NELL1: variants seen among roughly 807,000 people sequenced by gnomAD.
NELL1 encodes neural EGFL like 1.
In NELL1, 76 loss-of-function variants were observed where a neutral mutation model predicts 107.4. The ratio of observed to expected loss-of-function variants is 0.71; its 90% CI spans 0.59 to 0.86. The LOEUF (loss-of-function observed/expected upper bound fraction) is 0.86, where lower values mean the gene tolerates loss of function less well. NELL1 is among the 40% of genes least tolerant of loss of function. The pLI, the probability that NELL1 is intolerant of heterozygous loss-of-function variation, is 0.00. For missense variants in NELL1, 1,024 were observed against 1,005.5 expected, an observed-to-expected ratio of 1.02 and a Z score of -0.25; for synonymous variants, 353 against 341.2, an observed-to-expected ratio of 1.03 and a Z score of -0.38.
intron 13 of NELL1, among the ~76,000 whole-genome samples, chr11:21,131,433 A>G (rs1855614647): frequency 6.6e-6 from 1 of 152,192 alleles, no homozygotes; most frequent in Non-Finnish European, 1.5e-5. Flanking sequence ...AGACTAACAT[A>G]CTACATAGCC....
intron 13 of NELL1, among the ~76,000 whole-genome samples, chr11:21,187,194 A>G (rs769130405): frequency 6.6e-6 from 1 of 151,884 alleles, no homozygotes; most frequent in Non-Finnish European, 1.5e-5. Flanking sequence ...GGGTTAGTCA[A>G]GGGAAGACTT....
At chr11:20,960,230 G>A (rs1322703743) in intron 11 of NELL1, among the ~76,000 whole-genome samples, 1 of 152,152 alleles carries the variant, frequency 6.6e-6, no homozygotes, top group Non-Finnish European at 1.5e-5. Flanking sequence ...TTGAGTATGG[G>A]TGGGGGAAAG....
At chr11:20,746,953 A>G (rs1564891003) in intron 2 of NELL1, among the ~76,000 whole-genome samples, 1 of 152,030 alleles carries the variant, frequency 6.6e-6, no homozygotes, top group Admixed American at 6.6e-5. Flanking sequence ...AAACCCTTTC[A>G]TTTTCTTTGC....
intron 12 of NELL1, among the ~76,000 whole-genome samples, chr11:21,045,397 A>G (rs1482041260): frequency 1.3e-5 from 2 of 152,124 alleles, no homozygotes; most frequent in African/African-American, 4.8e-5. Flanking sequence ...TCATAGTAGT[A>G]TTTTGAGTGT....
intron 16 of NELL1, among the ~76,000 whole-genome samples, chr11:21,537,613 CAT>C (rs1856170165): frequency 6.7e-6 from 1 of 149,414 alleles, no homozygotes. Context: ...TTCACATGCA[CAT>C]GTGTGTAATA....
chr11:20,869,589 G>A (rs898056190), intron 4 of NELL1, among the ~76,000 whole-genome samples: 1 of 152,210 alleles, frequency 6.6e-6, no homozygotes, highest in Admixed American at 6.5e-5. Flanking sequence ...TAGGTGAAAT[G>A]AGAACTATTC....
At chr11:21,475,332 G>A (rs1258147741) in intron 15 of NELL1, among the ~76,000 whole-genome samples, 1 of 152,118 alleles carries the variant, frequency 6.6e-6, no homozygotes, top group Admixed American at 6.6e-5. Context: ...TGTGCCACAT[G>A]TCCCCAGCCT....
intron 15 of NELL1, among the ~76,000 whole-genome samples, chr11:21,488,345 A>G (rs1854698573): frequency 6.6e-6 from 1 of 151,762 alleles, no homozygotes; most frequent in Admixed American, 6.6e-5. Flanking sequence ...ACTTGCTTTC[A>G]TAGGAGAAGG....
chr11:21,439,724 A>C (rs916533625), intron 15 of NELL1, among the ~76,000 whole-genome samples: 7 of 152,112 alleles, frequency 4.6e-5, no homozygotes, highest in Admixed American at 3.9e-4. Context: ...TTAGGGTTTT[A>C]GATGTTGAGT....
intron 14 of NELL1, among the ~76,000 whole-genome samples, chr11:21,262,042 G>T (rs1445704696): frequency 1.3e-5 from 2 of 151,772 alleles, no homozygotes; most frequent in Non-Finnish European, 2.9e-5. Flanking sequence ...TCTAATCATG[G>T]AATATACTTG....
intron 14 of NELL1, among the ~76,000 whole-genome samples, chr11:21,326,764 T>C (rs1160839821): frequency 6.6e-6 from 1 of 152,096 alleles, no homozygotes; most frequent in Non-Finnish European, 1.5e-5. Flanking sequence ...GACTACTTTT[T>C]TTTCTTAAGA....
At chr11:21,124,765 C>A (rs1411716391) in intron 13 of NELL1, among the ~76,000 whole-genome samples, 1 of 152,078 alleles carries the variant, frequency 6.6e-6, no homozygotes, top group Non-Finnish European at 1.5e-5. Context: ...CCACACCCAG[C>A]TAATTTTGTA....
chr11:20,674,421 T>C, intron 1 of NELL1: 1 of 1,243,080 alleles, frequency 8.0e-7, no homozygotes, highest in East Asian at 2.5e-5. Flanking sequence ...CGAGTCCTCA[T>C]GAGTCTGGTG....
intron 2 of NELL1, among the ~76,000 whole-genome samples, chr11:20,775,352 TATC>T (rs1407310696): frequency 6.6e-6 from 1 of 152,258 alleles, no homozygotes; most frequent in African/African-American, 2.4e-5. Flanking sequence ...ATGCCTTTCA[TATC>T]ATTATATTAC....
intron 14 of NELL1, among the ~76,000 whole-genome samples, chr11:21,289,931 T>G (rs1048556848): frequency 6.6e-6 from 1 of 152,166 alleles, no homozygotes; most frequent in Admixed American, 6.5e-5. Flanking sequence ...TTAGCCAGAC[T>G]GCCTCTCTAG....
At chr11:21,341,853 A>G (rs528067916) in intron 14 of NELL1, among the ~76,000 whole-genome samples, 3 of 152,098 alleles carry the variant, frequency 2.0e-5, no homozygotes, top group East Asian at 1.9e-4. Flanking sequence ...GTAATAATAC[A>G]TTTTTTTTGG....
intron 2 of NELL1, among the ~76,000 whole-genome samples, chr11:20,714,070 G>A (rs1855176995): frequency 6.6e-6 from 1 of 151,382 alleles, no homozygotes; most frequent in South Asian, 2.1e-4. Flanking sequence ...GCATTCTTTT[G>A]TTTTTTTCTG....
At chr11:21,099,351 T>C (rs1214221992) in intron 12 of NELL1, among the ~76,000 whole-genome samples, 1 of 151,972 alleles carries the variant, frequency 6.6e-6, no homozygotes. Context: ...GCAGCAGCCC[T>C]GGGGTTGTCA....
At chr11:20,746,753 A>G (rs1474341864) in intron 2 of NELL1, among the ~76,000 whole-genome samples, 1 of 152,166 alleles carries the variant, frequency 6.6e-6, no homozygotes, top group African/African-American at 2.4e-5. Context: ...ACCAGTTTTT[A>G]CATTGTTTAT....
Sources: gnomAD v4.1 joint callset for allele counts (sites outside exome capture counted in the v4.1 genomes callset) on GRCh38, gnomAD v4.1.1 for gene constraint, MANE v1.5 for transcripts, NCBI Gene and HGNC (gene_info 2026-07-23, HGNC 2026-07-21) for gene names.